SGCD: variants seen among roughly 807,000 people sequenced by gnomAD.
The protein encoded by SGCD is sarcoglycan delta, also known as delta-sarcoglycan.
Under a neutral mutation model 36.6 loss-of-function variants are expected in SGCD, and 18 were observed. That is an observed-to-expected ratio of 0.49 (90% CI 0.34 to 0.73). The LOEUF is 0.73. Ranked by LOEUF, SGCD falls within the 30% of genes least tolerant of loss-of-function variation. SGCD has a pLI of 0.01. For synonymous variants in SGCD, 133 were observed against 130.6 expected (o/e 1.02, Z -0.12); for missense variants, 387 against 346.7 (o/e 1.12, Z -0.92).
At chr5:156,695,935 C>A (rs1754302876) in intron 7 of SGCD, among the ~76,000 whole-genome samples, 1 of 152,196 alleles carries the variant, frequency 6.6e-6, no homozygotes, top group Non-Finnish European at 1.5e-5. Flanking sequence ...TTGAGATGAG[C>A]CACTGGTTTT....
intron 7 of SGCD, among the ~76,000 whole-genome samples, chr5:156,725,629 G>A (rs943215579): frequency 6.6e-6 from 1 of 152,112 alleles, no homozygotes; most frequent in Non-Finnish European, 1.5e-5. Flanking sequence ...CCCAACCCTA[G>A]CCAGAGTGGC....
At chr5:156,574,349 C>T (rs1303253850) in intron 4 of SGCD, among the ~76,000 whole-genome samples, 1 of 152,098 alleles carries the variant, frequency 6.6e-6, no homozygotes, top group Admixed American at 6.6e-5. Flanking sequence ...AAATATAAGT[C>T]CAGAGGTACA....
intron 7 of SGCD, among the ~76,000 whole-genome samples, chr5:156,701,699 AT>A (rs530829441): frequency 1.0e-3 from 156 of 152,284 alleles, no homozygotes; most frequent in African/African-American, 3.5e-3. Flanking sequence ...ACTCACCTAG[AT>A]TTTCATTTTA....
intron 3 of SGCD, among the ~76,000 whole-genome samples, chr5:156,301,467 T>C (rs1214869375): frequency 1.3e-5 from 2 of 152,126 alleles, no homozygotes; most frequent in African/African-American, 2.4e-5. Flanking sequence ...TGTCTATGTT[T>C]TGAAAAGTTG....
chr5:155,917,327 T>G (rs1436768681), intron 1 of SGCD, among the ~76,000 whole-genome samples: 1 of 152,084 alleles, frequency 6.6e-6, no homozygotes, highest in Non-Finnish European at 1.5e-5. Flanking sequence ...TTAAACGAGG[T>G]TGAAGGTTGT....
At chr5:156,103,901 A>G (rs1355215625) in intron 1 of SGCD, among the ~76,000 whole-genome samples, 2 of 152,124 alleles carry the variant, frequency 1.3e-5, no homozygotes, top group African/African-American at 4.8e-5. Context: ...ACATATTAAT[A>G]TGGCCCTAAT....
chr5:156,179,515 T>A (rs574043193), intron 3 of SGCD, among the ~76,000 whole-genome samples: 5 of 152,278 alleles, frequency 3.3e-5, no homozygotes, highest in Admixed American at 2.6e-4. Flanking sequence ...TCAAATGATG[T>A]GCATATGATA....
At position 156,350,247 on chromosome 5, in the gene SGCD, T is replaced by TTATATATATATATATATA. The variant is rs59107352; in HGVS notation, c.192+5587_192+5588insATATATATATATATATAT. ...CTCTAAAGCTATTGAGGAAAAAAAA[T>TTATATATATATATATATA]TATATATATATATATATGTACACAC... On this transcript the variant is annotated intron_variant, in intron 3 of 8. Transcript: ENST00000337851. Among the ~76,000 whole-genome samples the TTATATATATATATATATA allele has an allele frequency of 8.6e-3, 823 of 95,684 alleles. 72 individuals carry two copies. Among genetic ancestry groups the TTATATATATATATATATA allele is most frequent in the South Asian group, 0.014 (33 of 2,386 alleles). 62.8% of individuals were successfully genotyped at this position (95,684 alleles called of 152,430 possible).
intron 6 of SGCD, among the ~76,000 whole-genome samples, chr5:156,641,746 C>T (rs1361509634): frequency 6.6e-6 from 1 of 152,162 alleles, no homozygotes; most frequent in Non-Finnish European, 1.5e-5. Flanking sequence ...CTGTGATCAT[C>T]CTTCAGTCTG....
rs1764342212 is a variant in SGCD, at chr5:156,208,222, G to A, written c.-44+84203G>A. 1.3e-5 allele frequency among the ~76,000 whole-genome samples: 2 copies of A among 152,194 alleles called. 1 individual carries two copies. Among genetic ancestry groups the A allele is most frequent in the South Asian group, 4.1e-4 (2 of 4,822 alleles). ...GACAGTCAGTCTGCTTCTCACTGTG[G>A]ATTAAAGCCCAGTTTTGCCTGTCTT... On this transcript the variant is annotated intron_variant, in intron 3 of 9. Transcript: ENST00000517913.
chr5:155,974,368 A>T (rs1758067046), intron 1 of SGCD, among the ~76,000 whole-genome samples: 1 of 152,080 alleles, frequency 6.6e-6, no homozygotes, highest in African/African-American at 2.4e-5. Context: ...GTTCTGTTGT[A>T]TCCCATGTAA....
chr5:156,175,428 G>A (rs1763442931), intron 3 of SGCD, among the ~76,000 whole-genome samples: 1 of 151,834 alleles, frequency 6.6e-6, no homozygotes, highest in Admixed American at 6.6e-5. Context: ...AAATATTCGT[G>A]TACCTTAACA....
In SGCD at chr5:156,498,251, T is replaced by C. The variant is rs186776612; in HGVS notation, c.193-10350T>C. Among the ~76,000 whole-genome samples the C allele has an allele frequency of 1.2e-3, 180 of 144,462 alleles. 1 individual carries two copies. Among genetic ancestry groups the C allele is most frequent in the Admixed American group, 6.2e-3 (91 of 14,618 alleles). The allele number at this position is 144,462 out of a possible 152,430, so 94.8% of individuals were successfully genotyped here. A position where few individuals can be genotyped will look rare whatever the true frequency, so the allele number is the denominator to read the frequency against. ...ATTGCTTTTTTTTCTGTGAACGTCA[T>C]ATTTCTCTTACAAAAAAAAAAAAAA... On this transcript the variant is annotated intron_variant, in intron 3 of 8. Transcript: ENST00000337851.
At chr5:155,894,684 A>G (rs1369339772) in intron 1 of SGCD, among the ~76,000 whole-genome samples, 1 of 152,082 alleles carries the variant, frequency 6.6e-6, no homozygotes, top group Non-Finnish European at 1.5e-5. Context: ...TGAACTGCAT[A>G]TGTGAGGGAT....
intron 3 of SGCD, among the ~76,000 whole-genome samples, chr5:156,352,998 T>C (rs918271975): frequency 2.6e-5 from 4 of 152,206 alleles, no homozygotes; most frequent in Admixed American, 6.5e-5. Context: ...TGAAGTAAGA[T>C]AAAGATCCAC....
At chr5:155,849,325 A>T in the SGCD span, among the ~76,000 whole-genome samples, 3 of 152,116 alleles carry the variant, frequency 2.0e-5, no homozygotes, top group Non-Finnish European at 1.5e-5. Context: ...AAAAATGCTA[A>T]TTTTTAATAC....
intron 1 of SGCD, among the ~76,000 whole-genome samples, chr5:155,879,798 A>G (rs922462098): frequency 2.0e-5 from 3 of 152,262 alleles, no homozygotes; most frequent in African/African-American, 2.4e-5. Flanking sequence ...TCTCTAAGGC[A>G]GTTTTAACCA....
chr5:156,081,939 G>A (rs576374527), intron 1 of SGCD, among the ~76,000 whole-genome samples: 2 of 152,248 alleles, frequency 1.3e-5, no homozygotes, highest in Admixed American at 6.5e-5. Flanking sequence ...ATAGGGAAAT[G>A]TGAGTAATTT....
intron 6 of SGCD, among the ~76,000 whole-genome samples, chr5:156,597,197 G>C (rs1057000414): frequency 1.3e-5 from 2 of 152,040 alleles, no homozygotes; most frequent in Non-Finnish European, 2.9e-5. Context: ...AGTGACCAAA[G>C]CTTTTAAAAA....
Sources: allele counts gnomAD v4.1 joint callset (sites outside exome capture counted in the v4.1 genomes callset), GRCh38; gene constraint gnomAD v4.1.1; transcripts MANE v1.5; gene names NCBI Gene and HGNC (gene_info 2026-07-23, HGNC 2026-07-21).